PIK3R3: variants seen among roughly 807,000 people sequenced by gnomAD.
PIK3R3 encodes the protein phosphoinositide-3-kinase regulatory subunit 3, also known as phosphatidylinositol 3-kinase regulatory subunit gamma.
PIK3R3 carries 64 observed loss-of-function variants against 62.9 expected under a neutral mutation model. The observed-to-expected ratio is 1.02, with a 90% CI of 0.83 to 1.25. PIK3R3 has a LOEUF of 1.25. Among genes scored for constraint, PIK3R3 ranks in the 50% most tolerant of loss-of-function variants. PIK3R3 has a pLI of 0.00. For synonymous variants in PIK3R3, 165 were observed against 189.0 expected (o/e 0.87, Z 1.04); for missense variants, 614 against 561.6 (o/e 1.09, Z -0.94).
At chr1:46,109,393 T>C (rs143340814) in intron 1 of PIK3R3, among the ~76,000 whole-genome samples, 2 of 152,296 alleles carry the variant, frequency 1.3e-5, no homozygotes, top group Non-Finnish European at 2.9e-5. Flanking sequence ...TATCATTATT[T>C]CACTTAATCA....
intron 1 of PIK3R3, among the ~76,000 whole-genome samples, chr1:46,081,237 G>C (rs751843204): frequency 1.3e-5 from 2 of 152,130 alleles, no homozygotes; most frequent in Admixed American, 6.5e-5. Context: ...TCTTGGACTA[G>C]AATTAGAGCT....
At chr1:46,156,068 G>A in the PIK3R3 span, among the ~76,000 whole-genome samples, 36,777 of 151,920 alleles carry the variant, frequency 0.24, 5,482 homozygotes, top group South Asian at 0.41. Flanking sequence ...ACTTATATAA[G>A]TTGTAAAACG....
intron 1 of PIK3R3, among the ~76,000 whole-genome samples, chr1:46,089,468 C>CAA (rs1223419575): frequency 1.3e-5 from 2 of 152,068 alleles, no homozygotes; most frequent in African/African-American, 4.8e-5. Flanking sequence ...GTAATCCCAG[C>CAA]ACTTTGGGAG....
Position 46,043,460 on chromosome 1 carries a change from T to C in PIK3R3, c.*213A>G, listed in dbSNP as rs140093036. ...AAAAAAACATCTGCTTCCAGCTTAG[T>C]ATGTCAGTGCAGCGGCATGGCTGAG... is the stretch of plus-strand genomic sequence containing the variant. On this transcript the variant is annotated 3_prime_UTR_variant, in exon 10 of 10. Transcript: ENST00000262741. 1.6e-5 allele frequency: 9 copies of C among 564,666 alleles called. No homozygotes were observed. The East Asian group carries it at 2.7e-4, about 17-fold the overall frequency. 35.0% of individuals were successfully genotyped at this position (564,666 alleles called of 1,614,324 possible).
At chr1:46,059,785 C>T (rs1157559344) in intron 6 of PIK3R3, among the ~76,000 whole-genome samples, 2 of 151,748 alleles carry the variant, frequency 1.3e-5, no homozygotes, top group African/African-American at 2.4e-5. Flanking sequence ...CAGAGCAAAA[C>T]CCTACCTCAA....
chr1:46,081,385 G>A (rs1029555194), intron 1 of PIK3R3, among the ~76,000 whole-genome samples: 8 of 152,130 alleles, frequency 5.3e-5, no homozygotes, highest in Non-Finnish European at 1.0e-4. Context: ...ACTGGTCCAC[G>A]GCCTGTTAGG....
At chr1:46,129,676 C>T (rs1396115890) in intron 1 of PIK3R3, among the ~76,000 whole-genome samples, 1 of 152,086 alleles carries the variant, frequency 6.6e-6, no homozygotes, top group East Asian at 1.9e-4. Flanking sequence ...ACTAATGATA[C>T]AGTTTTAAAT....
rs192472232 is a variant in PIK3R3, at chr1:46,067,177, G to A, written c.315-86C>T. 95 of 997,696 alleles carry A rather than the reference G, an allele frequency of 9.5e-5. No homozygotes were observed. The African/African-American group carries it at 1.4e-3, about 15-fold the overall frequency. 61.8% of individuals were successfully genotyped at this position (997,696 alleles called of 1,614,324 possible). On this transcript the variant is annotated intron_variant, in intron 3 of 9. Coordinates refer to ENST00000262741, the MANE Select transcript of PIK3R3 (RefSeq NM_003629.4). ...TTTCATATGGAGACGTGAAAGCTTG[G>A]TGTCACATGATAAACAAGTTTTACT...
upstream of PIK3R3, chr1:46,132,957 C>G: frequency 9.0e-7 from 1 of 1,116,788 alleles, no homozygotes; most frequent in South Asian, 1.9e-5. Flanking sequence ...GAGTCAGTGC[C>G]GGGAGCACGC....
chr1:46,140,795 A>G, the PIK3R3 span, among the ~76,000 whole-genome samples: 2 of 152,160 alleles, frequency 1.3e-5, no homozygotes, highest in Admixed American at 6.5e-5. Flanking sequence ...CTGGCCTCCA[A>G]AATTGTGAGA....
chr1:46,173,539 G>A, the PIK3R3 span, among the ~76,000 whole-genome samples: 1 of 152,196 alleles, frequency 6.6e-6, no homozygotes, highest in Non-Finnish European at 1.5e-5. Flanking sequence ...TCCAGCCTGA[G>A]AGCCTGGTGT....
rs1639821364 is a variant in PIK3R3, at chr1:46,066,086, T to C, written c.589A>G (p.Arg197Gly). The C allele has an allele frequency of 6.8e-6, 11 of 1,608,090 alleles. No homozygotes were observed. Among genetic ancestry groups the C allele is most frequent in the Non-Finnish European group, 9.4e-6 (11 of 1,174,886 alleles). ...QYQEKSKEYDRLYEEYTRTSQ... is the reference protein window; with the variant it reads ...QYQEKSKEYDGLYEEYTRTSQ... ...GTTCTAGTATATTCTTCATACAGCC[T>C]ATCATACTCTTTACTCTTCTCCTGA... is the stretch of plus-strand genomic sequence containing the variant. Residue 197 changes from arginine (R) to glycine (G), a missense_variant, in exon 5 of 10, where the codon AGG becomes GGG. Transcript: ENST00000262741.
At chr1:46,097,661 G>T (rs1571486169) in intron 1 of PIK3R3, among the ~76,000 whole-genome samples, 1 of 152,098 alleles carries the variant, frequency 6.6e-6, no homozygotes, top group Middle Eastern at 3.4e-3. Flanking sequence ...GCCGAGGCGG[G>T]TGGATCACCT....
At chr1:46,088,111 G>A (rs1651265512) in intron 1 of PIK3R3, among the ~76,000 whole-genome samples, 1 of 152,200 alleles carries the variant, frequency 6.6e-6, no homozygotes, top group Non-Finnish European at 1.5e-5. Context: ...ACAGCTGAGT[G>A]TGATGGCTCA....
chr1:46,074,139 A>C (rs1649816191), intron 3 of PIK3R3, among the ~76,000 whole-genome samples: 1 of 150,704 alleles, frequency 6.6e-6, no homozygotes, highest in African/African-American at 2.4e-5. Flanking sequence ...AAATATAAAA[A>C]ATTAGCTGGG....
chr1:46,068,456 T>C (rs888710423), intron 3 of PIK3R3, among the ~76,000 whole-genome samples: 1 of 152,114 alleles, frequency 6.6e-6, no homozygotes, highest in Admixed American at 6.6e-5. Flanking sequence ...GATAACAAAC[T>C]TCTCAAGATA....
At chr1:46,067,137 C>G in intron 3 of PIK3R3, 46 bp from the exon 4 acceptor site, 2 of 1,399,762 alleles carry the variant, frequency 1.4e-6, no homozygotes, top group Non-Finnish European at 1.9e-6. Context: ...CCCCCAAATT[C>G]AACTGAACTA....
chr1:46,077,527 G>T lies in PIK3R3; in HGVS notation c.302C>A (p.Thr101Asn). 6.2e-7 allele frequency: 1 copy of T among 1,604,580 alleles called. No homozygotes were observed. The highest frequency in any genetic ancestry group is 1.3e-5 in the African/African-American group (1 of 74,850). ...GAAAAGTACTTACCGCAAAGTCAAAGTATAATCTCCCTGCATTTTTGTTGA... is the reference window on the plus strand; with the variant it reads ...GAAAAGTACTTACCGCAAAGTCAAATTATAATCTCCCTGCATTTTTGTTGA... ...DASTKMQGDY[T>N]LTLRKGGNNK... The change falls in exon 3 of 10, where the codon ACT becomes AAT. Residue 101 changes from threonine to asparagine, a missense_variant. By Grantham distance (65) the Thr-to-Asn change is moderately conservative. Transcript: ENST00000262741.
Position 46,132,432 on chromosome 1 carries a change from G to A in PIK3R3, c.-480C>T. On this transcript the variant is annotated 5_prime_UTR_variant, in exon 1 of 10. Coordinates refer to ENST00000262741, the MANE Select transcript of PIK3R3 (RefSeq NM_003629.4). ...GGCTGGAGATTGCGTTCAAGTTTCG[G>A]GGTCCCACTGGTCTGCAGAGAGCGA... 8.7e-7 allele frequency: 1 copy of A among 1,148,412 alleles called. No homozygotes were observed. The highest frequency in any genetic ancestry group is 1.1e-6 in the Non-Finnish European group (1 of 921,192). 71.1% of individuals were successfully genotyped at this position (1,148,412 alleles called of 1,614,324 possible).
Sources: allele counts gnomAD v4.1 joint callset (sites outside exome capture counted in the v4.1 genomes callset), GRCh38; gene constraint gnomAD v4.1.1; transcripts MANE v1.5; gene names NCBI Gene and HGNC (gene_info 2026-07-23, HGNC 2026-07-21).